EXPH5: variants seen among roughly 807,000 people sequenced by gnomAD.
EXPH5 encodes exophilin 5.
EXPH5 carries 42 observed loss-of-function variants against 41.1 expected under a neutral mutation model. The observed-to-expected ratio is 1.02, with a 90% CI of 0.80 to 1.32. EXPH5 has a LOEUF of 1.32. Among genes scored for constraint, EXPH5 ranks in the 40% most tolerant of loss-of-function variants. EXPH5 has a pLI of 0.00. For synonymous variants in EXPH5, 798 were observed against 833.5 expected (o/e 0.96, Z 0.73); for missense variants, 2,298 against 2,314.5 (o/e 0.99, Z 0.15).
In EXPH5 at chr11:108,509,939, G is replaced by A. The variant is rs1224645233; in HGVS notation, c.5568C>T (p.Pro1856=). The change falls in exon 6 of 6, where the codon CCC becomes CCT. Residue 1856 remains proline, a synonymous_variant. Transcript: ENST00000265843. ...SRRFRSFSEL[P]SCDGNESWAY... ...CCCAACTTTCATTTCCATCACAGGA[G>A]GGGAGTTCAGAAAAAGATCTGAATC... 15 of 1,612,074 alleles carry A rather than the reference G, an allele frequency of 9.3e-6. No homozygotes were observed. Among genetic ancestry groups the A allele is most frequent in the Non-Finnish European group, 1.3e-5 (15 of 1,179,354 alleles).
At position 108,505,922 on chromosome 11, in the gene EXPH5, T is replaced by C. The variant is rs1428553934; in HGVS notation, c.*3615A>G. The C allele has an allele frequency of 6.6e-6, 1 of 152,188 alleles. No homozygotes were observed. Among genetic ancestry groups the C allele is most frequent in the African/African-American group, 2.4e-5 (1 of 41,446 alleles). 9.4% of individuals were successfully genotyped at this position (152,188 alleles called of 1,614,324 possible). On this transcript the variant is annotated 3_prime_UTR_variant, in exon 6 of 6. Transcript: ENST00000265843. ...CCAACCAAACCTTTGTTAGTAGCAG[T>C]TGGAATTTTGTTGGCATCAATGTAT... is the stretch of plus-strand genomic sequence containing the variant.
chr11:108,559,827 A>G (rs1940219), intron 1 of EXPH5, among the ~76,000 whole-genome samples: 19,511 of 152,216 alleles, frequency 0.13, 1,411 homozygotes, highest in East Asian at 0.22. Flanking sequence ...GTCTAAGCAA[A>G]AAGGTGACAA....
chr11:108,539,197 A>T lies in EXPH5; in HGVS notation c.281-11T>A. 6.5e-7 allele frequency: 1 copy of T among 1,549,540 alleles called. No individual in the cohort carries two copies. The highest frequency in any genetic ancestry group is 1.2e-5 in the South Asian group (1 of 83,110). ...GTAATTCTATCGGATCTAGAAAAAAAAATTGTAAAAATTTTGCATCAATTA... is the reference window on the plus strand; with the variant it reads ...GTAATTCTATCGGATCTAGAAAAAATAATTGTAAAAATTTTGCATCAATTA... On this transcript the variant is annotated splice_polypyrimidine_tract_variant and intron_variant, in intron 2 of 5. Coordinates refer to ENST00000265843, the MANE Select transcript of EXPH5 (RefSeq NM_015065.3).
the EXPH5 span, among the ~76,000 whole-genome samples, chr11:108,602,991 G>A: frequency 2.4e-4 from 37 of 152,122 alleles, no homozygotes; most frequent in Admixed American, 2.0e-3. Context: ...TTCTGTTCTC[G>A]TGATAGTGAG....
intron 1 of EXPH5, among the ~76,000 whole-genome samples, chr11:108,577,948 T>C (rs891786381): frequency 1.3e-5 from 2 of 152,208 alleles, no homozygotes; most frequent in African/African-American, 4.8e-5. Flanking sequence ...TAATCCCTGT[T>C]GGATGAATAG....
chr11:108,521,733 T>C (rs1278620290), intron 4 of EXPH5, among the ~76,000 whole-genome samples: 2 of 152,220 alleles, frequency 1.3e-5, no homozygotes, highest in Non-Finnish European at 2.9e-5. Flanking sequence ...AACAATTAGT[T>C]ACAGATCTTA....
At chr11:108,536,518 C>T (rs2093881043) in intron 3 of EXPH5, among the ~76,000 whole-genome samples, 1 of 152,216 alleles carries the variant, frequency 6.6e-6, no homozygotes, top group African/African-American at 2.4e-5. Context: ...TTCTGCCTTG[C>T]CCTCCCAAAG....
chr11:108,599,202 A>T, the EXPH5 span, among the ~76,000 whole-genome samples: 1 of 152,116 alleles, frequency 6.6e-6, no homozygotes, highest in African/African-American at 2.4e-5. Flanking sequence ...GGCAGAACTC[A>T]CCTCACATCG....
Position 108,509,369 on chromosome 11 carries a change from C to A in EXPH5, c.*168G>T. ...AACAAGAATTCATTGTTCTAGCATT[C>A]AGGAAGTGTCTATATAGGGTGTGGA... On this transcript the variant is annotated 3_prime_UTR_variant, in exon 6 of 6. Coordinates refer to ENST00000265843, the MANE Select transcript of EXPH5 (RefSeq NM_015065.3). The A allele has an allele frequency of 2.0e-6, 1 of 490,136 alleles. No homozygotes were observed. Among genetic ancestry groups the A allele is most frequent in the Non-Finnish European group, 3.5e-6 (1 of 285,306 alleles). The allele number at this position is 490,136 out of a possible 1,614,324, so 30.4% of individuals were successfully genotyped here.
At chr11:108,595,143 G>A (rs1348198460), upstream of EXPH5, among the ~76,000 whole-genome samples, 1 of 152,208 alleles carries the variant, frequency 6.6e-6, no homozygotes, top group Non-Finnish European at 1.5e-5. Flanking sequence ...TCAGTGAACT[G>A]ATTTCAACCA....
At chr11:108,605,773 G>A in the EXPH5 span, among the ~76,000 whole-genome samples, 2 of 152,160 alleles carry the variant, frequency 1.3e-5, no homozygotes, top group South Asian at 4.1e-4. Context: ...CATATATGAT[G>A]AATCATTCTG....
chr11:108,585,265 G>A (rs2094109857), intron 1 of EXPH5, among the ~76,000 whole-genome samples: 1 of 152,188 alleles, frequency 6.6e-6, no homozygotes, highest in African/African-American at 2.4e-5. Context: ...ATGCTGGCAA[G>A]ACTAAAGAAC....
In EXPH5 at chr11:108,511,801, A is replaced by C. The variant is rs35520914; in HGVS notation, c.3706T>G (p.Ser1236Ala). The stretch of plus-strand genomic sequence containing the variant: ...ACATTATCTTCATCACCAGAAACAG[A>C]AAACGTACTAGTCGTCTTAACTTTA... ...LHKVKTTSTF[S>A]VSGDEDNVKC... The change falls in exon 6 of 6, where the codon TCT becomes GCT. Residue 1236 changes from serine to alanine, a missense_variant. Transcript: ENST00000265843. The C allele has an allele frequency of 1.1e-3, 1,813 of 1,608,826 alleles. 27 individuals carry two copies. The African/African-American group carries it at 0.021, about 19-fold the overall frequency.
At position 108,507,278 on chromosome 11, in the gene EXPH5, C is replaced by T. The variant is rs1433714580; in HGVS notation, c.*2259G>A. On this transcript the variant is annotated 3_prime_UTR_variant, in exon 6 of 6. Coordinates refer to ENST00000265843, the MANE Select transcript of EXPH5 (RefSeq NM_015065.3). ...CATGTAAAGTAACCCACGCATTTTG[C>T]GTCTATGTAAGGGAATGATTAGAAG... is the stretch of plus-strand genomic sequence containing the variant. 3.9e-5 allele frequency: 6 copies of T among 152,156 alleles called. No individual in the cohort carries two copies. In the East Asian group the frequency reaches 5.8e-4, roughly 15 times the overall value. 9.4% of individuals were successfully genotyped at this position (152,156 alleles called of 1,614,324 possible). A position where few individuals can be genotyped will look rare whatever the true frequency, so the allele number is the denominator to read the frequency against.
chr11:108,552,918 G>C (rs898928203), intron 1 of EXPH5, among the ~76,000 whole-genome samples: 4 of 151,946 alleles, frequency 2.6e-5, no homozygotes, highest in South Asian at 2.1e-4. Context: ...AAAAAAGGCC[G>C]GGTGCGGTGG....
rs1430573693 is a variant in EXPH5, at chr11:108,513,419, T to C, written c.2088A>G (p.Glu696=). The C allele has an allele frequency of 6.2e-7, 1 of 1,613,336 alleles. No individual in the cohort carries two copies. Among genetic ancestry groups the C allele is most frequent in the Admixed American group, 1.7e-5 (1 of 59,894 alleles). The change falls in exon 6 of 6, where the codon GAA becomes GAG. Residue 696 remains glutamate, a synonymous_variant. Transcript: ENST00000265843. ...CATTTAAGTCTTTCTCATTATTTACTTCTGTGACCAAGATATTGGGCTGGC... is the reference window on the plus strand; with the variant it reads ...CATTTAAGTCTTTCTCATTATTTACCTCTGTGACCAAGATATTGGGCTGGC... ...AKSQPNILVT[E]VNNEKDLNES...
intron 1 of EXPH5, among the ~76,000 whole-genome samples, chr11:108,586,210 G>C (rs1213903994): frequency 1.3e-5 from 2 of 150,948 alleles, no homozygotes; most frequent in African/African-American, 4.9e-5. Context: ...TCGGCCTCCC[G>C]AAGTGTTGGG....
upstream of EXPH5, among the ~76,000 whole-genome samples, chr11:108,595,825 A>T (rs2094138149): frequency 6.6e-6 from 1 of 152,186 alleles, no homozygotes; most frequent in South Asian, 2.1e-4. Flanking sequence ...CTGACTATGA[A>T]TGCCATGTGA....
chr11:108,532,504 C>T (rs896585373), intron 3 of EXPH5, among the ~76,000 whole-genome samples: 7 of 147,228 alleles, frequency 4.8e-5, no homozygotes, highest in African/African-American at 1.8e-4. Flanking sequence ...CGTGAGCCAT[C>T]ATGCTTGATC....
Sources: gnomAD v4.1 joint callset for allele counts (sites outside exome capture counted in the v4.1 genomes callset) on GRCh38, gnomAD v4.1.1 for gene constraint, MANE v1.5 for transcripts, NCBI Gene and HGNC (gene_info 2026-07-23, HGNC 2026-07-21) for gene names.